Variants in CERK observed in about 807,000 individuals in gnomAD.
The protein encoded by CERK is ceramide kinase.
In CERK, 39 loss-of-function variants were observed where a neutral mutation model predicts 63.4. The observed-to-expected ratio is 0.61, with a 90% CI of 0.48 to 0.80. The LOEUF is 0.80. CERK is among the 30% of genes least tolerant of loss of function. CERK has a pLI of 0.00. For missense variants in CERK, 670 were observed against 714.1 expected, an observed-to-expected ratio of 0.94 and a Z score of 0.70; for synonymous variants, 302 against 280.0, an observed-to-expected ratio of 1.08 and a Z score of -0.78.
intron 5 of CERK, among the ~76,000 whole-genome samples, chr22:46,710,053 T>C (rs1170264572): frequency 2.0e-5 from 3 of 152,192 alleles, no homozygotes; most frequent in Admixed American, 6.5e-5. Flanking sequence ...TTAGAGACTT[T>C]CACATGTCAA....
chr22:46,691,869 C>T (rs2082733521), intron 10 of CERK, 92 bp from the exon 11 acceptor site: 2 of 942,972 alleles, frequency 2.1e-6, no homozygotes, highest in East Asian at 2.6e-5. Context: ...CGGGCTCTCA[C>T]CTGCTCATGC....
At chr22:46,715,464 G>C (rs1423803988) in intron 3 of CERK, among the ~76,000 whole-genome samples, 1 of 152,118 alleles carries the variant, frequency 6.6e-6, no homozygotes. Context: ...TAAATAAACA[G>C]TGCAGTAGGG....
intron 1 of CERK, among the ~76,000 whole-genome samples, chr22:46,730,586 G>A (rs2082940651): frequency 6.6e-6 from 1 of 152,210 alleles, no homozygotes; most frequent in Non-Finnish European, 1.5e-5. Flanking sequence ...TCAGCAGAAA[G>A]AATCTATTCT....
chr22:46,728,364 C>T (rs2082930157), intron 1 of CERK, among the ~76,000 whole-genome samples: 1 of 152,154 alleles, frequency 6.6e-6, no homozygotes, highest in South Asian at 2.1e-4. Context: ...ACGGGGGCTA[C>T]TTAAACAAAT....
chr22:46,700,879 C>T (rs948591095), intron 7 of CERK, among the ~76,000 whole-genome samples: 29 of 151,620 alleles, frequency 1.9e-4, no homozygotes, highest in African/African-American at 6.3e-4. Context: ...GACGTGGTGG[C>T]GCGAGCCTGT....
chr22:46,693,599 AC>A (rs2082742355), intron 9 of CERK, 96 bp from the exon 10 acceptor site: 2 of 1,065,740 alleles, frequency 1.9e-6, no homozygotes, highest in African/African-American at 1.6e-5. Flanking sequence ...CTTTTCACAT[AC>A]GAAAAAATTC....
chr22:46,736,371 GC>G (rs901784337), intron 1 of CERK, among the ~76,000 whole-genome samples: 16 of 152,194 alleles, frequency 1.1e-4, no homozygotes, highest in Admixed American at 6.5e-4. Context: ...AAGCCTTACA[GC>G]CCAGTGGCTA....
At chr22:46,731,095 G>A (rs4642050) in intron 1 of CERK, among the ~76,000 whole-genome samples, 71,904 of 152,196 alleles carry the variant, frequency 0.47, 19,355 homozygotes, top group Non-Finnish European at 0.6. Flanking sequence ...GGCCACGCAG[G>A]AAGCTGGAAC....
intron 11 of CERK, 115 bp from the exon 12 acceptor site, chr22:46,690,315 C>T (rs967294869): frequency 2.9e-5 from 21 of 725,810 alleles, no homozygotes; most frequent in Non-Finnish European, 4.3e-5. Context: ...CACACACGGC[C>T]CTTCTCGGAG....
chr22:46,718,052 C>A (rs1262680282), intron 3 of CERK, among the ~76,000 whole-genome samples: 1 of 151,804 alleles, frequency 6.6e-6, no homozygotes, highest in Non-Finnish European at 1.5e-5. Context: ...CACTCCAGCC[C>A]GGATGATGGA....
chr22:46,735,981 G>A (rs965333815), intron 1 of CERK, among the ~76,000 whole-genome samples: 3 of 152,342 alleles, frequency 2.0e-5, no homozygotes, highest in Admixed American at 2.0e-4. Flanking sequence ...GCACTCCTGG[G>A]TGGAGAGGGC....
Position 46,686,704 on chromosome 22 carries a change from G to T in CERK, c.*430C>A. 1 of 177,996 alleles carries T rather than the reference G, an allele frequency of 5.6e-6. No individual in the cohort carries two copies. Among genetic ancestry groups the T allele is most frequent in the Admixed American group, 5.4e-5 (1 of 18,472 alleles). The allele number at this position is 177,996 out of a possible 1,614,324, so 11.0% of individuals were successfully genotyped here. A position where few individuals can be genotyped will look rare whatever the true frequency, so the allele number is the denominator to read the frequency against. ...AGAATCAACCACTTCCCAAAACTTG[G>T]CCACAAACCGTTACAGAATAAGTCC... On this transcript the variant is annotated 3_prime_UTR_variant, in exon 13 of 13. Coordinates refer to ENST00000216264, the MANE Select transcript of CERK (RefSeq NM_022766.6).
intron 5 of CERK, among the ~76,000 whole-genome samples, chr22:46,710,461 A>G (rs1052140961): frequency 1.3e-5 from 2 of 152,160 alleles, no homozygotes; most frequent in Non-Finnish European, 2.9e-5. Context: ...ATGTAAGTTA[A>G]TAGAATCTCT....
chr22:46,693,297 TGC>T, intron 10 of CERK, 128 bp downstream of exon 10: 2 of 722,026 alleles, frequency 2.8e-6, no homozygotes, highest in Admixed American at 2.3e-5. Context: ...AAGAAATGGA[TGC>T]CTGGTGCCAG....
chr22:46,722,556 CT>C (rs556829995), intron 1 of CERK, among the ~76,000 whole-genome samples: 17,961 of 125,478 alleles, frequency 0.14, 1,404 homozygotes, highest in African/African-American at 0.29. Context: ...GGCCTCCCAT[CT>C]TTTTTTTTTT....
Position 46,720,146 on chromosome 22 carries a change from G to A in CERK, c.319C>T (p.Pro107Ser), listed in dbSNP as rs1337303875. The A allele has an allele frequency of 1.6e-5, 26 of 1,613,980 alleles. No homozygotes were observed. The highest frequency in any genetic ancestry group is 2.1e-5 in the Non-Finnish European group (25 of 1,180,036). ...WKWAQVTFWC[P>S]EEQLCHLWLQ... ...CACAAGTGACACAGCTGCTCCTCTG[G>A]ACACCAGAAAGTCACCTGCGCCCAC... Residue 107 changes from proline to serine, a missense_variant, in exon 3 of 13, where the codon CCA (proline) becomes TCA (serine). Physicochemically the swap from Pro to Ser is moderately conservative, Grantham distance 74. Transcript: ENST00000216264.
At chr22:46,716,443 G>A (rs1368060593) in intron 3 of CERK, among the ~76,000 whole-genome samples, 8 of 150,170 alleles carry the variant, frequency 5.3e-5, no homozygotes, top group Non-Finnish European at 7.4e-5. Context: ...CACCCGCCTC[G>A]GCCTCCCAAA....
chr22:46,687,245 CCTCA>C (rs1328014413), intron 12 of CERK, 39 bp from the exon 13 acceptor site: 1 of 1,573,298 alleles, frequency 6.4e-7, no homozygotes, highest in East Asian at 2.2e-5. Context: ...CCCACGTGTC[CCTCA>C]CTCAAAGCTG....
intron 12 of CERK, among the ~76,000 whole-genome samples, chr22:46,687,735 A>C (rs934938496): frequency 6.6e-6 from 1 of 152,136 alleles, no homozygotes; most frequent in African/African-American, 2.4e-5. Flanking sequence ...TTCGGGCTTG[A>C]GGAACAAGTT....
Sources: allele counts gnomAD v4.1 joint callset (sites outside exome capture counted in the v4.1 genomes callset), GRCh38; gene constraint gnomAD v4.1.1; transcripts MANE v1.5; gene names NCBI Gene and HGNC (gene_info 2026-07-23, HGNC 2026-07-21).